The following KDR variants were observed in gnomAD, a reference collection of about 807,000 sequenced individuals.
KDR encodes the protein vascular endothelial growth factor receptor 2.
A neutral mutation model predicts 160.9 loss-of-function variants in KDR; 43 were observed. The observed-to-expected ratio is 0.27, with a 90% confidence interval of 0.21 to 0.34. The LOEUF is 0.34. Among genes scored for constraint, KDR ranks in the 10% least tolerant of loss-of-function variants. The pLI, the probability that KDR is intolerant of heterozygous loss-of-function variation, is 1.00. For synonymous variants in KDR, 617 were observed against 600.1 expected (o/e 1.03, Z -0.41); for missense variants, 1,469 against 1,666.4 (o/e 0.88, Z 2.06).
intron 14 of KDR, 94 bp downstream of exon 14, chr4:55,102,268 T>C: frequency 6.8e-7 from 1 of 1,470,970 alleles, no homozygotes. Flanking sequence ...AATACTGCTT[T>C]TTTTCTACAT....
intron 7 of KDR, among the ~76,000 whole-genome samples, chr4:55,111,437 A>G (rs2110028876): frequency 6.6e-6 from 1 of 152,100 alleles, no homozygotes; most frequent in South Asian, 2.1e-4. Context: ...TTTCTCTTAT[A>G]CTCCACAACC....
intron 22 of KDR, among the ~76,000 whole-genome samples, chr4:55,091,377 T>C (rs1411181432): frequency 6.6e-6 from 1 of 152,230 alleles, no homozygotes; most frequent in African/African-American, 2.4e-5. Flanking sequence ...ACCAAGTGGA[T>C]TCAAGAAATA....
At chr4:55,115,864 G>A (rs1239200699) in intron 3 of KDR, among the ~76,000 whole-genome samples, 1 of 151,880 alleles carries the variant, frequency 6.6e-6, no homozygotes, top group East Asian at 1.9e-4. Flanking sequence ...CTCTCTTTAG[G>A]TAAATAATGT....
rs571373045 is a variant in KDR at position 55,104,954 on chromosome 4, A to G, written c.1676T>C (p.Met559Thr). ...CACGCTCTCCTGCTCAGTGGGCTGC[A>G]TGTCAGGTTGCAAAGTAATTTCAGG... ...RGPEITLQPDMQPTEQESVSL... is the reference protein window; with the variant it reads ...RGPEITLQPDTQPTEQESVSL... Residue 559 changes from methionine (M) to threonine (T), a missense_variant, in exon 13 of 30, where the codon ATG (methionine) becomes ACG (threonine). Met to Thr is a moderately conservative substitution (Grantham distance 81). Transcript: ENST00000263923. 1 of 1,613,922 alleles carries G rather than the reference A, an allele frequency of 6.2e-7. No individual in the cohort carries two copies. The highest frequency in any genetic ancestry group is 8.5e-7 in the Non-Finnish European group (1 of 1,179,866).
At chr4:55,087,870 A>C in intron 26 of KDR, 112 bp from the exon 27 acceptor site, 2 of 923,440 alleles carry the variant, frequency 2.2e-6, no homozygotes, top group East Asian at 4.8e-5. Context: ...TGTGGCTTTC[A>C]TATCTGAACA....
intron 1 of KDR, chr4:55,122,845 A>T (rs1164710786): frequency 2.0e-5 from 3 of 151,766 alleles, no homozygotes; most frequent in Non-Finnish European, 4.4e-5. Flanking sequence ...ATCCTACCAC[A>T]GATGGTCTAT....
chr4:55,118,701 T>C lies in KDR; in HGVS notation c.261A>G (p.Thr87=), dbSNP rs772804426. The change falls in exon 3 of 30, where the codon ACA becomes ACG. Residue 87 remains threonine, a synonymous_variant. Transcript: ENST00000263923. The part of the protein sequence containing the change: ...TECSDGLFCK[T]LTIPKVIGND... ...TTCCGATCACTTTTGGAATTGTGAGTGTCTTACAGAAGAGGCCATCGCTGC... is the reference window on the plus strand; with the variant it reads ...TTCCGATCACTTTTGGAATTGTGAGCGTCTTACAGAAGAGGCCATCGCTGC... 6.2e-7 allele frequency: 1 copy of C among 1,614,040 alleles called. No homozygotes were observed. Among genetic ancestry groups the C allele is most frequent in the Non-Finnish European group, 8.5e-7 (1 of 1,179,954 alleles).
At chr4:55,089,644 T>C (rs749609897) in intron 24 of KDR, 47 bp downstream of exon 24, 3 of 1,549,534 alleles carry the variant, frequency 1.9e-6, no homozygotes, top group Non-Finnish European at 1.8e-6. Context: ...ACAACTTTTG[T>C]CTTCCTCTTT....
At position 55,106,250 on chromosome 4, in the gene KDR, T is replaced by C. The variant is rs143755017; in HGVS notation, c.1537-310A>G. Reference sequence around the variant, plus strand: ...CAACGAGCGTTTCCTTTGAGCACCATGTCGGCACTCAAAAAGGTTCAGAAT... The same window carrying C: ...CAACGAGCGTTTCCTTTGAGCACCACGTCGGCACTCAAAAAGGTTCAGAAT... On this transcript the variant is annotated intron_variant, in intron 11 of 29. Coordinates refer to ENST00000263923, the MANE Select transcript of KDR (RefSeq NM_002253.4). 8.9e-3 allele frequency among the ~76,000 whole-genome samples: 1,362 copies of C among 152,262 alleles called. 13 individuals carry two copies. Among genetic ancestry groups the C allele is most frequent in the African/African-American group, 0.03 (1,252 of 41,538 alleles).
chr4:55,089,058 A>G, intron 25 of KDR, 85 bp from the exon 26 acceptor site: 2 of 986,246 alleles, frequency 2.0e-6, no homozygotes, highest in Non-Finnish European at 3.2e-6. Flanking sequence ...ACACATTTGT[A>G]AAGAGCTGAC....
rs200648845 is a variant in KDR at position 55,082,638 on chromosome 4, G to T, written c.3663-3C>A. 3.1e-6 allele frequency: 5 copies of T among 1,609,128 alleles called. No individual in the cohort carries two copies. On this transcript the variant is annotated splice_region_variant and splice_polypyrimidine_tract_variant and intron_variant, in intron 27 of 29. Coordinates refer to ENST00000263923, the MANE Select transcript of KDR (RefSeq NM_002253.4). ...GCTTACTGTTCTGCAGATACTGACT[G>T]CAAAAGAACAAATATTTATATTTTA...
chr4:55,119,969 A>G (rs895853293), intron 2 of KDR, among the ~76,000 whole-genome samples: 3 of 152,202 alleles, frequency 2.0e-5, no homozygotes, highest in Non-Finnish European at 4.4e-5. Flanking sequence ...TTCAGAACAT[A>G]AGAAATGTTT....
intron 22 of KDR, among the ~76,000 whole-genome samples, chr4:55,091,955 G>A (rs555610939): frequency 1.1e-4 from 16 of 152,120 alleles, no homozygotes; most frequent in African/African-American, 3.6e-4. Flanking sequence ...TCTTTTAATC[G>A]CTCTCATCTG....
At chr4:55,112,215 T>C (rs982182122) in intron 7 of KDR, among the ~76,000 whole-genome samples, 25 of 152,120 alleles carry the variant, frequency 1.6e-4, no homozygotes, top group African/African-American at 6.0e-4. Flanking sequence ...TTCTTCCACC[T>C]CTGCCACCCC....
rs1345081214 is a variant in KDR at position 55,100,551 on chromosome 4, G to A, written c.2266+1346C>T. 9.2e-5 allele frequency among the ~76,000 whole-genome samples: 14 copies of A among 152,158 alleles called. No individual in the cohort carries two copies. In the East Asian group the frequency reaches 2.7e-3, roughly 29 times the overall value. ...AACCAGCTGCAGGCCACCAACAAGA[G>A]GTAATGCAGAGCATCAGAGACAATC... On this transcript the variant is annotated intron_variant, in intron 15 of 29. Coordinates refer to ENST00000263923, the MANE Select transcript of KDR (RefSeq NM_002253.4).
intron 15 of KDR, 77 bp from the exon 16 acceptor site, chr4:55,098,880 C>T: frequency 9.0e-7 from 1 of 1,114,560 alleles, no homozygotes; most frequent in East Asian, 2.4e-5. Flanking sequence ...AATTTTAGCA[C>T]TAAAGCAAAA....
intron 13 of KDR, 138 bp downstream of exon 13, chr4:55,104,505 G>A: frequency 1.4e-6 from 1 of 722,854 alleles, no homozygotes. Context: ...TCTTCCTCAA[G>A]GACTTTCGGT....
chr4:55,089,393 C>G lies in KDR; in HGVS notation c.3385G>C (p.Asp1129His). ...LKEGTRMRAP[D>H]YTTPEMYQTM... The stretch of plus-strand genomic sequence containing the variant: ...TCTTACATTTCTGGTGTAGTATAAT[C>G]AGGGGCCCTCATTCTAGTTCCTTCT... Residue 1129 changes from aspartate (D) to histidine (H), a missense_variant, in exon 25 of 30, where the codon GAT becomes CAT. Transcript: ENST00000263923. 6.2e-7 allele frequency: 1 copy of G among 1,610,566 alleles called. No individual in the cohort carries two copies. Among genetic ancestry groups the G allele is most frequent in the Non-Finnish European group, 8.5e-7 (1 of 1,177,176 alleles).
intron 6 of KDR, 113 bp downstream of exon 6, chr4:55,114,013 G>A: frequency 9.2e-7 from 1 of 1,082,934 alleles, no homozygotes; most frequent in Non-Finnish European, 1.4e-6. Context: ...ATGTGTGTGT[G>A]TTTAAGGCTC....
Sources: allele counts gnomAD v4.1 joint callset (sites outside exome capture counted in the v4.1 genomes callset), GRCh38; gene constraint gnomAD v4.1.1; transcripts MANE v1.5; gene names NCBI Gene and HGNC (gene_info 2026-07-23, HGNC 2026-07-21).